ZNF33B: variants seen among roughly 807,000 people sequenced by gnomAD.
The protein encoded by ZNF33B is zinc finger protein 11b (KOX 2).
Under a neutral mutation model 45.8 loss-of-function variants are expected in ZNF33B, and 29 were observed. The ratio of observed to expected loss-of-function variants is 0.63; its 90% CI spans 0.47 to 0.86. The LOEUF (loss-of-function observed/expected upper bound fraction) is 0.86. Among genes scored for constraint, ZNF33B ranks in the 40% least tolerant of loss-of-function variants. The pLI is 0.00. For synonymous variants in ZNF33B, 305 were observed against 307.8 expected (o/e 0.99, Z 0.10); for missense variants, 831 against 909.9 (o/e 0.91, Z 1.12).
chr10:42,635,678 C>T (rs1196107141), intron 2 of ZNF33B, among the ~76,000 whole-genome samples: 7 of 150,124 alleles, frequency 4.7e-5, no homozygotes, highest in Admixed American at 4.0e-4. Flanking sequence ...GGCATGGTGG[C>T]GCATGCCTAT....
chr10:42,606,142 C>CAA (rs201620137), intron 4 of ZNF33B, among the ~76,000 whole-genome samples: 7 of 127,938 alleles, frequency 5.5e-5, no homozygotes, highest in African/African-American at 5.7e-5. Flanking sequence ...AATAATAAAG[C>CAA]AAAAAAAAAA....
intron 1 of ZNF33B, chr10:42,581,504 A>G (rs1440377089): frequency 6.6e-6 from 1 of 150,804 alleles, no homozygotes; most frequent in East Asian, 2.0e-4. Context: ...GTCCACGGGA[A>G]GACATGGAGA....
intron 2 of ZNF33B, among the ~76,000 whole-genome samples, chr10:42,636,231 A>T (rs1839294988): frequency 6.6e-6 from 1 of 152,246 alleles, no homozygotes; most frequent in African/African-American, 2.4e-5. Context: ...ATAAAAATTA[A>T]AAAAGCAGTT....
chr10:42,637,524 G>A (rs1289574971), intron 1 of ZNF33B, among the ~76,000 whole-genome samples: 1 of 152,104 alleles, frequency 6.6e-6, no homozygotes, highest in East Asian at 1.9e-4. Context: ...CTGGCTTAGG[G>A]GTCAGGAGAA....
intron 1 of ZNF33B, chr10:42,583,209 C>A: frequency 1.4e-6 from 1 of 704,840 alleles, no homozygotes; most frequent in African/African-American, 1.7e-5. Flanking sequence ...GCCCTCTTTT[C>A]TTGTGTTTTC....
At chr10:42,576,238 C>T (rs138206642) in intron 1 of ZNF33B, among the ~76,000 whole-genome samples, 2,632 of 152,274 alleles carry the variant, frequency 0.017, 77 homozygotes, top group African/African-American at 0.06. Flanking sequence ...ATCTGCCCGC[C>T]TCAGCCTCCC....
chr10:42,578,943 T>A (rs556483546), intron 1 of ZNF33B, among the ~76,000 whole-genome samples: 3 of 152,202 alleles, frequency 2.0e-5, no homozygotes, highest in African/African-American at 4.8e-5. Context: ...AGGAGTGACA[T>A]AGATGCATTC....
Position 42,605,746 on chromosome 10 carries a change from G to A in ZNF33B, c.251-11047C>T, listed in dbSNP as rs376704824. On this transcript the variant is annotated intron_variant, in intron 4 of 4. Coordinates refer to ENST00000359467, the MANE Select transcript of ZNF33B (RefSeq NM_006955.3). ...CAATTTAATAAGCAAATATGTATAAGTCAATGTTTATAATTGTATTGTTGG... is the reference window on the plus strand; with the variant it reads ...CAATTTAATAAGCAAATATGTATAAATCAATGTTTATAATTGTATTGTTGG... Among the ~76,000 whole-genome samples, 35 of 152,198 alleles carry A rather than the reference G, an allele frequency of 2.3e-4. 1 individual carries two copies. The highest frequency in any genetic ancestry group is 8.4e-4 in the African/African-American group (35 of 41,528).
intron 4 of ZNF33B, among the ~76,000 whole-genome samples, chr10:42,600,799 A>G (rs187634051): frequency 5.3e-5 from 8 of 152,302 alleles, no homozygotes; most frequent in African/African-American, 1.7e-4. Flanking sequence ...TATTTTCAAT[A>G]TATGTTATAA....
chr10:42,582,968 T>C (rs1463754533), intron 1 of ZNF33B: 2 of 626,832 alleles, frequency 3.2e-6, no homozygotes, highest in African/African-American at 3.6e-5. Flanking sequence ...GTTGGAGATG[T>C]GACCACCATC....
At chr10:42,616,352 T>A (rs181245209) in intron 4 of ZNF33B, among the ~76,000 whole-genome samples, 2 of 152,284 alleles carry the variant, frequency 1.3e-5, no homozygotes, top group East Asian at 3.9e-4. Flanking sequence ...TCTCATATAA[T>A]TCTCCAGAAA....
chr10:42,633,984 A>G (rs1839172411), intron 2 of ZNF33B, among the ~76,000 whole-genome samples: 2 of 143,052 alleles, frequency 1.4e-5, no homozygotes. Flanking sequence ...AAAAAAAAAA[A>G]TGAAGCATAA....
In ZNF33B at chr10:42,618,045, G is replaced by C. The variant is rs537923511; in HGVS notation, c.250+13884C>G. Among the ~76,000 whole-genome samples, 4 of 152,168 alleles carry C rather than the reference G, an allele frequency of 2.6e-5. No individual in the cohort carries two copies. The South Asian group carries it at 8.3e-4, about 32-fold the overall frequency. On this transcript the variant is annotated intron_variant, in intron 4 of 4. Coordinates refer to ENST00000359467, the MANE Select transcript of ZNF33B (RefSeq NM_006955.3). ...TCTTTCTCAATCCACATTTAGACCT[G>C]CTTAGGAGCCTTCTCTGGTCTCCCT...
chr10:42,632,326 C>T lies in ZNF33B; in HGVS notation c.123G>A (p.Met41Ile). ...AGACAAGGTTGCTGTAGTTCTCCAG[C>T]ATCACATCTCTATACAGAGCCCTCT... ...PSQRALYRDV[M>I]LENYSNLVSV... is the part of the protein sequence containing the mutation. The change falls in exon 3 of 5, where the codon ATG (methionine) becomes ATA (isoleucine). Residue 41 changes from methionine (M) to isoleucine (I), a missense_variant. Physicochemically the swap from Met to Ile is conservative, Grantham distance 10. Coordinates refer to ENST00000359467, the MANE Select transcript of ZNF33B (RefSeq NM_006955.3). The T allele has an allele frequency of 6.2e-7, 1 of 1,607,108 alleles. No homozygotes were observed. Among genetic ancestry groups the T allele is most frequent in the Non-Finnish European group, 8.5e-7 (1 of 1,177,682 alleles).
chr10:42,575,554 T>C (rs578128307), intron 1 of ZNF33B, among the ~76,000 whole-genome samples: 1 of 152,224 alleles, frequency 6.6e-6, no homozygotes, highest in East Asian at 1.9e-4. Flanking sequence ...CTATTTTGAA[T>C]TTGCATTCAT....
chr10:42,592,863 T>A lies in ZNF33B; in HGVS notation c.2087A>T (p.Asn696Ile), dbSNP rs187858836. The change falls in exon 5 of 5, where the codon AAT (asparagine) becomes ATT (isoleucine). Residue 696 changes from asparagine (N) to isoleucine (I), a missense_variant. Physicochemically the swap from Asn to Ile is moderately radical, Grantham distance 149 (BLOSUM62 -3). Transcript: ENST00000359467. The part of the protein sequence containing the change: ...KHTGEKPYEC[N>I]ECGKSFSHKS... ...GTGACTGAAGGATTTCCCACATTCATTGCATTCATAGGGTTTCTCCCCCGT... is the reference window on the plus strand; with the variant it reads ...GTGACTGAAGGATTTCCCACATTCAATGCATTCATAGGGTTTCTCCCCCGT... The A allele has an allele frequency of 1.4e-5, 23 of 1,613,960 alleles. No homozygotes were observed. Among genetic ancestry groups the A allele is most frequent in the Middle Eastern group, 1.6e-4 (1 of 6,084 alleles).
intron 1 of ZNF33B, 106 bp downstream of exon 1, chr10:42,638,368 A>C (rs944367213): frequency 9.5e-6 from 3 of 316,332 alleles, no homozygotes; most frequent in African/African-American, 6.7e-5. Context: ...CTTCTCCGTG[A>C]GGTCCCCGGG....
At chr10:42,581,981 T>C (rs1310686228) in intron 1 of ZNF33B, 3 of 152,248 alleles carry the variant, frequency 2.0e-5, no homozygotes, top group African/African-American at 7.2e-5. Flanking sequence ...CAGGGCATGA[T>C]GGTGCATGCC....
At chr10:42,601,313 A>T (rs1176428516) in intron 4 of ZNF33B, among the ~76,000 whole-genome samples, 1 of 152,038 alleles carries the variant, frequency 6.6e-6, no homozygotes, top group Admixed American at 6.6e-5. Flanking sequence ...CGAGCTTCTT[A>T]GATCGGTAGG....
Sources: allele counts gnomAD v4.1 joint callset (sites outside exome capture counted in the v4.1 genomes callset), GRCh38; gene constraint gnomAD v4.1.1; transcripts MANE v1.5; gene names NCBI Gene and HGNC (gene_info 2026-07-23, HGNC 2026-07-21).